MAP3K19: variants seen among roughly 807,000 people sequenced by gnomAD.
MAP3K19 encodes SPS1/STE20-related protein kinase YSK4.
Under a neutral mutation model 114.4 loss-of-function variants are expected in MAP3K19, and 91 were observed. That is an observed-to-expected ratio of 0.80 (90% CI 0.67 to 0.95). The LOEUF (loss-of-function observed/expected upper bound fraction) is 0.95, where lower values mean the gene tolerates loss of function less well. MAP3K19 is among the 40% of genes least tolerant of loss of function. The pLI is 0.00. For synonymous variants in MAP3K19, 518 were observed against 530.5 expected (o/e 0.98, Z 0.32); for missense variants, 1,471 against 1,573.2 (o/e 0.94, Z 1.10).
intron 9 of MAP3K19, 147 bp from the exon 10 acceptor site, chr2:134,988,400 T>C: frequency 1.4e-6 from 1 of 713,844 alleles, no homozygotes; most frequent in Non-Finnish European, 2.1e-6. Context: ...AATTCTTTTT[T>C]TTCTTCTTGA....
At chr2:135,006,812 G>GAAAGA (rs746411182) in intron 5 of MAP3K19, among the ~76,000 whole-genome samples, 25 of 138,216 alleles carry the variant, frequency 1.8e-4, no homozygotes, top group African/African-American at 5.1e-4. Flanking sequence ...CCTGTCAAAA[G>GAAAGA]AAAGAAAAGA....
At position 135,047,332 on chromosome 2, in the gene MAP3K19, T is replaced by C. The variant is rs563512009; in HGVS notation, c.-571A>G. The C allele has an allele frequency of 5.3e-5, 8 of 152,104 alleles. No homozygotes were observed. The highest frequency in any genetic ancestry group is 1.0e-4 in the Non-Finnish European group (7 of 68,012). 9.4% of individuals were successfully genotyped at this position (152,104 alleles called of 1,614,324 possible). A position where few individuals can be genotyped will look rare whatever the true frequency, so the allele number is the denominator to read the frequency against. ...ACCAGGGATCCATTTAAAAACAGCA[T>C]AGATTCAGATTTTTTTTTCAGTGTT... On this transcript the variant is annotated 5_prime_UTR_variant, in exon 1 of 13. The change abolishes an upstream ATG in the 5' untranslated region. Transcript: ENST00000392915.
intron 12 of MAP3K19, among the ~76,000 whole-genome samples, chr2:134,968,413 T>G (rs1395367014): frequency 6.7e-6 from 1 of 148,940 alleles, no homozygotes; most frequent in Admixed American, 6.6e-5. Flanking sequence ...GCAGAGGGGC[T>G]CCTCACATCC....
At chr2:134,980,753 A>G in intron 12 of MAP3K19, 68 bp downstream of exon 12, 3 of 1,425,336 alleles carry the variant, frequency 2.1e-6, no homozygotes, top group Admixed American at 4.0e-5. Context: ...CCATAAATTG[A>G]AAGGGAAATG....
chr2:134,967,322 G>A (rs956926601), intron 12 of MAP3K19, among the ~76,000 whole-genome samples: 2 of 152,096 alleles, frequency 1.3e-5, no homozygotes, highest in South Asian at 2.1e-4. Context: ...AGACCTGAGC[G>A]TCCCCGAGCC....
rs1194815808 is a variant in MAP3K19, at chr2:134,986,697, G to T, written c.2175C>A (p.Cys725Ter). The T allele has an allele frequency of 6.2e-7, 1 of 1,614,082 alleles. No individual in the cohort carries two copies. Among genetic ancestry groups the T allele is most frequent in the Admixed American group, 1.7e-5 (1 of 60,014 alleles). The change falls in exon 10 of 13, where the codon TGC becomes TGA. Residue 725 changes from cysteine (C) to a stop codon, truncating the protein, a stop_gained. Transcript: ENST00000392915. LOFTEE classifies it high-confidence loss of function. Reference sequence around the variant, plus strand: ...GTTTAATGCCAAATGAAGTCTTTGGGCATTTCATATGTGTTTTTTTCTGAG... The same window carrying T: ...GTTTAATGCCAAATGAAGTCTTTGGTCATTTCATATGTGTTTTTTTCTGAG... ...RLSQKKTHMK[C>*]PKTSFGIKQE... is the part of the protein sequence containing the mutation.
chr2:134,981,611 C>G, intron 11 of MAP3K19, 93 bp from the exon 12 acceptor site: 5 of 970,974 alleles, frequency 5.1e-6, no homozygotes, highest in Non-Finnish European at 7.7e-6. Context: ...CCTTCTCTTT[C>G]TAAACCCTTG....
intron 4 of MAP3K19, among the ~76,000 whole-genome samples, chr2:135,022,534 G>A (rs1047301917): frequency 6.6e-6 from 1 of 152,090 alleles, no homozygotes; most frequent in African/African-American, 2.4e-5. Flanking sequence ...TGGCTCAATC[G>A]ATACTGTATT....
At chr2:135,040,078 A>AC (rs1192393733) in intron 2 of MAP3K19, among the ~76,000 whole-genome samples, 1 of 152,100 alleles carries the variant, frequency 6.6e-6, no homozygotes, top group Non-Finnish European at 1.5e-5. Context: ...GCGCCATTAG[A>AC]CCATTAGCTC....
chr2:135,042,311 G>C (rs1191376613), intron 1 of MAP3K19, among the ~76,000 whole-genome samples: 1 of 152,098 alleles, frequency 6.6e-6, no homozygotes, highest in East Asian at 1.9e-4. Flanking sequence ...GACCATTCTG[G>C]CTAACACGGT....
At chr2:134,975,395 C>G (rs1684165945) in intron 12 of MAP3K19, among the ~76,000 whole-genome samples, 1 of 152,152 alleles carries the variant, frequency 6.6e-6, no homozygotes, top group Non-Finnish European at 1.5e-5. Context: ...CAGATACCAG[C>G]AGTGATAGGG....
intron 6 of MAP3K19, among the ~76,000 whole-genome samples, chr2:135,001,596 T>C (rs1400438391): frequency 6.6e-6 from 1 of 152,252 alleles, no homozygotes. Context: ...TGCAAACACC[T>C]AGCTGACATG....
Position 134,981,493 on chromosome 2 carries a change from C to A in MAP3K19, c.3248G>T (p.Gly1083Val). 4 of 1,613,400 alleles carry A rather than the reference C, an allele frequency of 2.5e-6. No homozygotes were observed. Among genetic ancestry groups the A allele is most frequent in the Non-Finnish European group, 3.4e-6 (4 of 1,179,426 alleles). Residue 1083 changes from glycine (G) to valine (V), a missense_variant, in exon 12 of 13, where the codon GGA (glycine) becomes GTA (valine). Gly to Val is a moderately radical substitution (Grantham distance 109). Transcript: ENST00000392915. ...CACCTGTTTTACAGCTATTAGCTGT[C>A]CTTGACTAGTGAGACCACAGTATAC... Reference protein sequence around the residue: ...GTVYCGLTSQGQLIAVKQVAL... With the variant: ...GTVYCGLTSQVQLIAVKQVAL...
chr2:134,981,471 C>G lies in MAP3K19; in HGVS notation c.3270G>C (p.Gln1090His), dbSNP rs1168149407. 2.5e-6 allele frequency: 4 copies of G among 1,614,084 alleles called. No individual in the cohort carries two copies. The highest frequency in any genetic ancestry group is 4.5e-5 in the East Asian group (2 of 44,888). ...ATTTATTAGAGGTATCCAAAGCCAC[C>G]TGTTTTACAGCTATTAGCTGTCCTT... Reference protein sequence around the residue: ...TSQGQLIAVKQVALDTSNKLA... With the variant: ...TSQGQLIAVKHVALDTSNKLA... Residue 1090 changes from glutamine (Q) to histidine (H), a missense_variant, in exon 12 of 13, where the codon CAG becomes CAC. Coordinates refer to ENST00000392915, the MANE Select transcript of MAP3K19 (RefSeq NM_025052.5).
At position 134,981,484 on chromosome 2, in the gene MAP3K19, A is replaced by G; in HGVS notation, c.3257T>C (p.Ile1086Thr). The change falls in exon 12 of 13, where the codon ATA (isoleucine) becomes ACA (threonine). Residue 1086 changes from isoleucine to threonine, a missense_variant. By Grantham distance (89) the Ile-to-Thr change is moderately conservative. Coordinates refer to ENST00000392915, the MANE Select transcript of MAP3K19 (RefSeq NM_025052.5). ...YCGLTSQGQL[I>T]AVKQVALDTS... ...ATCCAAAGCCACCTGTTTTACAGCTATTAGCTGTCCTTGACTAGTGAGACC... is the reference window on the plus strand; with the variant it reads ...ATCCAAAGCCACCTGTTTTACAGCTGTTAGCTGTCCTTGACTAGTGAGACC... 6.2e-7 allele frequency: 1 copy of G among 1,614,152 alleles called. No individual in the cohort carries two copies. The highest frequency in any genetic ancestry group is 8.5e-7 in the Non-Finnish European group (1 of 1,179,990).
At position 134,987,315 on chromosome 2, in the gene MAP3K19, G is replaced by T; in HGVS notation, c.1557C>A (p.Asn519Lys). The change falls in exon 10 of 13, where the codon AAC becomes AAA. Residue 519 changes from asparagine to lysine, a missense_variant. Asn to Lys is a moderately conservative substitution (Grantham distance 94). Transcript: ENST00000392915. ...TGTCATTTTCTTGGTGTACAGGTAT[G>T]TTGACACTATGGTTGTTATGAATGG... ...KGTIHNNHSV[N>K]IPVHQENDKH... 6.2e-7 allele frequency: 1 copy of T among 1,614,148 alleles called. No individual in the cohort carries two copies. Among genetic ancestry groups the T allele is most frequent in the Non-Finnish European group, 8.5e-7 (1 of 1,180,020 alleles).
rs894590244 is a variant in MAP3K19 at position 135,030,443 on chromosome 2, G to A, written c.-226C>T. 8.5e-5 allele frequency: 13 copies of A among 152,596 alleles called. No individual in the cohort carries two copies. The highest frequency in any genetic ancestry group is 2.6e-4 in the Admixed American group (4 of 15,266). 9.5% of individuals were successfully genotyped at this position (152,596 alleles called of 1,614,324 possible). ...CAATTAGCTACATGAATTGCGGTTC[G>A]ATTGCTGTAATTGCAAAGGGTGATA... On this transcript the variant is annotated 5_prime_UTR_variant, in exon 3 of 13. Transcript: ENST00000392915.
At position 134,987,825 on chromosome 2, in the gene MAP3K19, A is replaced by T; in HGVS notation, c.1047T>A (p.Ile349=). Reference sequence around the variant, plus strand: ...TTCGCGTTTTACTACCATGGCAGTCAATATCCTCTTCCCTAACTGCAGGAA... The same window carrying T: ...TTCGCGTTTTACTACCATGGCAGTCTATATCCTCTTCCCTAACTGCAGGAA... ...GNIPAVREED[I]DCHGSKTRKP... is the part of the protein sequence containing the mutation. The change falls in exon 10 of 13, where the codon ATT becomes ATA. Residue 349 remains isoleucine (I), a synonymous_variant. Transcript: ENST00000392915. 1 of 1,608,906 alleles carries T rather than the reference A, an allele frequency of 6.2e-7. No individual in the cohort carries two copies. Among genetic ancestry groups the T allele is most frequent in the South Asian group, 1.1e-5 (1 of 91,072 alleles).
At chr2:135,045,827 A>G (rs1398417956) in intron 1 of MAP3K19, among the ~76,000 whole-genome samples, 2 of 152,256 alleles carry the variant, frequency 1.3e-5, no homozygotes, top group African/African-American at 4.8e-5. Flanking sequence ...CACATACTCA[A>G]TAGAGACTGG....
Sources: allele counts gnomAD v4.1 joint callset (sites outside exome capture counted in the v4.1 genomes callset), GRCh38; gene constraint gnomAD v4.1.1; transcripts MANE v1.5; gene names NCBI Gene and HGNC (gene_info 2026-07-23, HGNC 2026-07-21).